Variants in ITFG1 observed in about 807,000 individuals in gnomAD.
ITFG1 encodes the protein T-cell immunomodulatory protein.
ITFG1 carries 34 observed loss-of-function variants against 81.8 expected under a neutral mutation model. That is an observed-to-expected ratio of 0.42 (90% CI 0.32 to 0.55). The LOEUF (loss-of-function observed/expected upper bound fraction) is 0.55. Ranked by LOEUF, ITFG1 falls within the 20% of genes least tolerant of loss-of-function variation. ITFG1 has a pLI of 0.17. For synonymous variants in ITFG1, 285 were observed against 270.6 expected, an observed-to-expected ratio of 1.05 and a Z score of -0.52; for missense variants, 672 against 755.4, an observed-to-expected ratio of 0.89 and a Z score of 1.29.
intron 6 of ITFG1, among the ~76,000 whole-genome samples, chr16:47,399,809 A>C (rs1968637956): frequency 6.6e-6 from 1 of 152,208 alleles, no homozygotes. Context: ...GCCATATATA[A>C]TAACATGCCT....
At chr16:47,242,537 G>T (rs570803498) in intron 12 of ITFG1, among the ~76,000 whole-genome samples, 169 of 152,102 alleles carry the variant, frequency 1.1e-3, no homozygotes, top group African/African-American at 3.8e-3. Flanking sequence ...AAGGACTATA[G>T]ATAGAAATAA....
At chr16:47,389,389 T>A in intron 6 of ITFG1, among the ~76,000 whole-genome samples, 1 of 145,460 alleles carries the variant, frequency 6.9e-6, no homozygotes, top group Admixed American at 6.9e-5. Flanking sequence ...TATATAGAAA[T>A]GTAATATATT....
chr16:47,419,333 A>G (rs1049774899), intron 6 of ITFG1, among the ~76,000 whole-genome samples: 3 of 152,056 alleles, frequency 2.0e-5, no homozygotes, highest in African/African-American at 7.2e-5. Flanking sequence ...CAGTGGCATA[A>G]TCATTGCTCA....
chr16:47,289,919 C>G (rs554725003), intron 10 of ITFG1, among the ~76,000 whole-genome samples: 136 of 152,140 alleles, frequency 8.9e-4, no homozygotes, highest in African/African-American at 3.0e-3. Flanking sequence ...CTATTTTTGA[C>G]ATGCATTGTT....
chr16:47,244,263 C>T (rs533423619), intron 12 of ITFG1, among the ~76,000 whole-genome samples: 62 of 152,178 alleles, frequency 4.1e-4, no homozygotes, highest in African/African-American at 1.4e-3. Flanking sequence ...AAATCAAACC[C>T]GAGGAGGGGG....
intron 10 of ITFG1, among the ~76,000 whole-genome samples, chr16:47,301,731 G>A (rs1967079915): frequency 6.6e-6 from 1 of 152,154 alleles, no homozygotes; most frequent in Middle Eastern, 3.4e-3. Context: ...TTTCATGACT[G>A]ACAAATGACA....
chr16:47,305,722 T>A (rs935757539), intron 10 of ITFG1, among the ~76,000 whole-genome samples: 1 of 152,116 alleles, frequency 6.6e-6, no homozygotes, highest in Non-Finnish European at 1.5e-5. Flanking sequence ...CAGAGAAGTG[T>A]TTTTAAGGAT....
intron 6 of ITFG1, among the ~76,000 whole-genome samples, chr16:47,409,374 C>CTATATATATATATACATATATATA (rs1555514883): frequency 4.8e-5 from 1 of 20,986 alleles, no homozygotes; most frequent in Non-Finnish European, 7.0e-5. Flanking sequence ...TACACACACA[C>CTATATATATATATACATATATATA]TATATATATA....
At chr16:47,189,352 G>A (rs1965264894) in intron 14 of ITFG1, among the ~76,000 whole-genome samples, 1 of 152,056 alleles carries the variant, frequency 6.6e-6, no homozygotes, top group Non-Finnish European at 1.5e-5. Context: ...ACACCCAAGA[G>A]CACTTAGTTC....
intron 7 of ITFG1, among the ~76,000 whole-genome samples, chr16:47,366,648 G>C (rs1968181345): frequency 6.6e-6 from 1 of 152,128 alleles, no homozygotes; most frequent in African/African-American, 2.4e-5. Flanking sequence ...CAATGAATTT[G>C]AAATTCTGAG....
intron 6 of ITFG1, among the ~76,000 whole-genome samples, chr16:47,402,272 T>C (rs565586117): frequency 1.2e-4 from 18 of 152,218 alleles, no homozygotes; most frequent in Non-Finnish European, 2.5e-4. Flanking sequence ...TAAATAAGCA[T>C]TGTTATATAA....
intron 8 of ITFG1, among the ~76,000 whole-genome samples, chr16:47,328,039 C>T (rs1967580107): frequency 6.6e-6 from 1 of 152,108 alleles, no homozygotes. Flanking sequence ...TACTGCGGCA[C>T]TATTCAGAAT....
chr16:47,349,142 A>C (rs1437413085), intron 8 of ITFG1, among the ~76,000 whole-genome samples: 1 of 152,328 alleles, frequency 6.6e-6, no homozygotes, highest in South Asian at 2.1e-4. Flanking sequence ...CTAGGAAGAA[A>C]CTGCATCAAC....
chr16:47,245,809 T>C (rs1965995405), intron 12 of ITFG1, among the ~76,000 whole-genome samples: 1 of 152,014 alleles, frequency 6.6e-6, no homozygotes, highest in Non-Finnish European at 1.5e-5. Context: ...GTGAAGTAAT[T>C]CTAATTGTCC....
At chr16:47,369,041 T>C (rs1448238144) in intron 7 of ITFG1, among the ~76,000 whole-genome samples, 3 of 152,218 alleles carry the variant, frequency 2.0e-5, no homozygotes, top group Admixed American at 6.5e-5. Flanking sequence ...TAAACATATA[T>C]AACTTCATTT....
chr16:47,316,260 T>A (rs1237534823), intron 8 of ITFG1, among the ~76,000 whole-genome samples: 1 of 152,238 alleles, frequency 6.6e-6, no homozygotes, highest in Non-Finnish European at 1.5e-5. Flanking sequence ...TAGTAATTTA[T>A]ACTTAAAGTT....
intron 6 of ITFG1, among the ~76,000 whole-genome samples, chr16:47,419,601 C>CTTTTTTT (rs34405979): frequency 2.4e-5 from 2 of 81,992 alleles, no homozygotes; most frequent in Non-Finnish European, 2.3e-5. Context: ...TACTTCAGGT[C>CTTTTTTT]TTTTTTTTTT....
intron 12 of ITFG1, among the ~76,000 whole-genome samples, chr16:47,245,320 G>T (rs918135838): frequency 2.6e-5 from 4 of 151,724 alleles, no homozygotes; most frequent in African/African-American, 9.7e-5. Flanking sequence ...TTGCATTCCA[G>T]CATGGGCAAC....
intron 7 of ITFG1, among the ~76,000 whole-genome samples, chr16:47,371,243 G>A (rs1020376789): frequency 1.3e-5 from 2 of 152,222 alleles, no homozygotes; most frequent in Non-Finnish European, 2.9e-5. Flanking sequence ...GAATAAGTTA[G>A]TCCTTCTTTA....
Sources: gnomAD v4.1 joint callset for allele counts (sites outside exome capture counted in the v4.1 genomes callset) on GRCh38, gnomAD v4.1.1 for gene constraint, MANE v1.5 for transcripts, NCBI Gene and HGNC (gene_info 2026-07-23, HGNC 2026-07-21) for gene names.